NCKAP5: variants seen among roughly 807,000 people sequenced by gnomAD.
NCKAP5 encodes NCK associated protein 5, also known as nck-associated protein 5.
In NCKAP5, 92 loss-of-function variants were observed where a neutral mutation model predicts 167.0. That is an observed-to-expected ratio of 0.55 (90% CI 0.47 to 0.66). The LOEUF is 0.66. Ranked by LOEUF, NCKAP5 falls within the 30% of genes least tolerant of loss-of-function variation. NCKAP5 has a pLI of 0.00. For missense variants in NCKAP5, 2,378 were observed against 2,315.0 expected (o/e 1.03, Z -0.56); for synonymous variants, 891 against 877.4 (o/e 1.02, Z -0.27).
chr2:133,057,243 C>A (rs2079837184), intron 6 of NCKAP5, among the ~76,000 whole-genome samples: 1 of 152,098 alleles, frequency 6.6e-6, no homozygotes, highest in Non-Finnish European at 1.5e-5. Context: ...AAAATAAGGT[C>A]AATTAATAAC....
intron 8 of NCKAP5, among the ~76,000 whole-genome samples, chr2:132,913,365 T>A (rs1694604002): frequency 1.3e-5 from 2 of 152,154 alleles, no homozygotes; most frequent in Admixed American, 1.3e-4. Context: ...CCTGGGTCAC[T>A]ATACTATTTA....
intron 6 of NCKAP5, among the ~76,000 whole-genome samples, chr2:133,017,726 G>GCC (rs201317500): frequency 5.6e-4 from 77 of 136,492 alleles, no homozygotes; most frequent in Middle Eastern, 3.6e-3. Flanking sequence ...GTTCTTCCCC[G>GCC]CCCCCCCACT....
intron 16 of NCKAP5, among the ~76,000 whole-genome samples, chr2:132,762,079 C>G (rs1484866607): frequency 3.3e-5 from 5 of 152,218 alleles, no homozygotes; most frequent in African/African-American, 1.2e-4. Context: ...CCACTCCATC[C>G]TCGTCACGCT....
intron 6 of NCKAP5, among the ~76,000 whole-genome samples, chr2:133,105,478 A>G (rs1344793853): frequency 2.0e-5 from 3 of 152,230 alleles, no homozygotes; most frequent in African/African-American, 7.2e-5. Flanking sequence ...TTCTCACTCT[A>G]CATGGGAGAA....
chr2:133,250,358 C>G (rs545893395), intron 4 of NCKAP5, among the ~76,000 whole-genome samples: 1 of 152,266 alleles, frequency 6.6e-6, no homozygotes, highest in African/African-American at 2.4e-5. Context: ...CCCTGGACAG[C>G]TCAGCCCTCT....
chr2:133,010,645 TAAGA>T (rs2078126702), intron 6 of NCKAP5, among the ~76,000 whole-genome samples: 1 of 152,228 alleles, frequency 6.6e-6, no homozygotes, highest in Non-Finnish European at 1.5e-5. Flanking sequence ...TATCTGTTGC[TAAGA>T]AAGAACTGCT....
intron 3 of NCKAP5, among the ~76,000 whole-genome samples, chr2:133,430,013 A>G (rs1463319413): frequency 6.6e-6 from 1 of 152,106 alleles, no homozygotes; most frequent in African/African-American, 2.4e-5. Context: ...AATAATAGCT[A>G]TTTTGACTGA....
At chr2:133,065,611 G>A (rs1019758507) in intron 6 of NCKAP5, among the ~76,000 whole-genome samples, 25 of 152,126 alleles carry the variant, frequency 1.6e-4, no homozygotes, top group Non-Finnish European at 2.5e-4. Context: ...GCGACAGAGC[G>A]AGACTCTATC....
chr2:133,249,103 G>T (rs889819740), intron 4 of NCKAP5, among the ~76,000 whole-genome samples: 14 of 150,212 alleles, frequency 9.3e-5, no homozygotes, highest in Non-Finnish European at 3.0e-5. Flanking sequence ...CACTGCCCCT[G>T]CCCCTCCCAC....
intron 3 of NCKAP5, among the ~76,000 whole-genome samples, chr2:133,435,534 T>C (rs1263838662): frequency 3.3e-5 from 5 of 152,120 alleles, no homozygotes; most frequent in Non-Finnish European, 7.3e-5. Flanking sequence ...ACTCTAGGTA[T>C]GGCATCATCA....
intron 3 of NCKAP5, among the ~76,000 whole-genome samples, chr2:133,479,808 G>C (rs1244057850): frequency 6.6e-6 from 1 of 152,120 alleles, no homozygotes. Flanking sequence ...TATGCTGGAT[G>C]GTGGTGACAC....
chr2:132,765,833 G>A (rs1468364194), intron 16 of NCKAP5, among the ~76,000 whole-genome samples: 1 of 152,128 alleles, frequency 6.6e-6, no homozygotes, highest in East Asian at 1.9e-4. Flanking sequence ...CTGGCCAATG[G>A]GATGTTAGCA....
intron 3 of NCKAP5, among the ~76,000 whole-genome samples, chr2:133,421,496 GGA>G (rs1689475302): frequency 6.6e-6 from 1 of 152,172 alleles, no homozygotes; most frequent in African/African-American, 2.4e-5. Context: ...TGAGGAGAAG[GGA>G]GAGAGATTCA....
chr2:133,511,515 T>C (rs1683491989), intron 3 of NCKAP5, among the ~76,000 whole-genome samples: 1 of 152,206 alleles, frequency 6.6e-6, no homozygotes, highest in African/African-American at 2.4e-5. Context: ...TAACTCCACC[T>C]CCACCCACTC....
At chr2:133,098,280 A>T (rs1212687466) in intron 6 of NCKAP5, among the ~76,000 whole-genome samples, 1 of 152,240 alleles carries the variant, frequency 6.6e-6, no homozygotes, top group Non-Finnish European at 1.5e-5. Context: ...CCAACGCCTT[A>T]AAATAATTGC....
chr2:132,782,615 G>A lies in NCKAP5; in HGVS notation c.4196C>T (p.Ala1399Val). Residue 1399 changes from alanine to valine, a missense_variant, in exon 14 of 20, where the codon GCC becomes GTC. Around this residue, in one of 3 missense-constraint regions of NCKAP5, gnomAD observed 1,325 missense variants for 1,274.5 expected, o/e 1.04. Transcript: ENST00000409261. ...TGGTTCCCCAAGTACAGCCACATTGGCACTGGGGCACTCTCCCTGGGTGAA... is the reference window on the plus strand; with the variant it reads ...TGGTTCCCCAAGTACAGCCACATTGACACTGGGGCACTCTCCCTGGGTGAA... ...QAFTQGECPSANVAVLGEPGS... is the reference protein window; with the variant it reads ...QAFTQGECPSVNVAVLGEPGS... 1 of 1,595,882 alleles carries A rather than the reference G, an allele frequency of 6.3e-7. No individual in the cohort carries two copies. Among genetic ancestry groups the A allele is most frequent in the Non-Finnish European group, 8.5e-7 (1 of 1,170,876 alleles).
chr2:132,989,107 A>G (rs1165724316), intron 7 of NCKAP5, among the ~76,000 whole-genome samples: 1 of 152,258 alleles, frequency 6.6e-6, no homozygotes, highest in African/African-American at 2.4e-5. Flanking sequence ...GGCTACAATG[A>G]AGAAGTGCAG....
chr2:133,619,658 C>G, the NCKAP5 span, among the ~76,000 whole-genome samples: 13 of 152,194 alleles, frequency 8.5e-5, no homozygotes, highest in East Asian at 1.5e-3. Flanking sequence ...AAAGAGAAAT[C>G]TAAAAATTTG....
At chr2:133,193,409 T>A (rs2085312453) in intron 5 of NCKAP5, among the ~76,000 whole-genome samples, 3 of 152,010 alleles carry the variant, frequency 2.0e-5, no homozygotes, top group South Asian at 4.2e-4. Context: ...GGGTAAAGGG[T>A]CCTCTGGGCT....
Sources: gnomAD v4.1 joint callset for allele counts (sites outside exome capture counted in the v4.1 genomes callset) on GRCh38, gnomAD v4.1.1 for gene constraint, gnomAD v4.1.1 regional missense constraint, MANE v1.5 for transcripts, NCBI Gene and HGNC (gene_info 2026-07-23, HGNC 2026-07-21) for gene names.